Variants in LIMS2 observed in about 807,000 individuals in gnomAD.
LIMS2 encodes LIM zinc finger domain containing 2.
Under a neutral mutation model 45.3 loss-of-function variants are expected in LIMS2, and 30 were observed. The ratio of observed to expected loss-of-function variants is 0.66; its 90% CI spans 0.50 to 0.90. The LOEUF is 0.90. Ranked by LOEUF, LIMS2 falls within the 40% of genes least tolerant of loss-of-function variation. The pLI, the probability that LIMS2 is intolerant of heterozygous loss-of-function variation, is 0.00. For missense variants in LIMS2, 485 were observed against 468.7 expected, an observed-to-expected ratio of 1.03 and a Z score of -0.32; for synonymous variants, 173 against 188.0, an observed-to-expected ratio of 0.92 and a Z score of 0.65.
rs1025387074 is a variant in LIMS2 at position 127,642,653 on chromosome 2, C to T, written c.509+270G>A. On this transcript the variant is annotated intron_variant, in intron 5 of 9. Transcript: ENST00000355119. The surrounding 1 kb of genome is among the most constrained non-coding windows in gnomAD (Gnocchi z 5.3). ...CCTTCCACTGCTCCATCTCAACCCT[C>T]GTCTGCAGTCTAGGGGTCCAGCCCA... is the stretch of plus-strand genomic sequence containing the variant. 10 of 484,822 alleles carry T rather than the reference C, an allele frequency of 2.1e-5. No homozygotes were observed. The East Asian group carries it at 3.2e-4, about 16-fold the overall frequency. The allele number at this position is 484,822 out of a possible 1,614,324, so 30.0% of individuals were successfully genotyped here.
At position 127,639,298 on chromosome 2, in the gene LIMS2, C is replaced by T; in HGVS notation, c.1009G>A (p.Asp337Asn). ...TSRKAQPKAT[D>N]LNSA ...GAGGGCCTTCAGGCAGAGTTGAGGT[C>T]TGTGGCCTTGGGCTGGGCCTTGCGG... is the stretch of plus-strand genomic sequence containing the variant. The change falls in exon 10 of 10, where the codon GAC (aspartate) becomes AAC (asparagine). Residue 337 changes from aspartate (D) to asparagine (N), a missense_variant. Coordinates refer to ENST00000355119, the MANE Select transcript of LIMS2 (RefSeq NM_001161403.3). 1 of 1,613,788 alleles carries T rather than the reference C, an allele frequency of 6.2e-7. No homozygotes were observed. The highest frequency in any genetic ancestry group is 1.3e-5 in the African/African-American group (1 of 75,018).
intron 1 of LIMS2, among the ~76,000 whole-genome samples, chr2:127,662,993 A>G (rs1684776667): frequency 6.6e-6 from 1 of 152,216 alleles, no homozygotes; most frequent in East Asian, 1.9e-4. Flanking sequence ...CACTAACAAC[A>G]AAGAACTGAC....
intron 4 of LIMS2, among the ~76,000 whole-genome samples, chr2:127,649,744 C>T (rs1683508277): frequency 6.6e-6 from 1 of 152,246 alleles, no homozygotes; most frequent in African/African-American, 2.4e-5. Flanking sequence ...ACCAGACGGA[C>T]ATGACTTGTT....
In LIMS2 at chr2:127,642,071, A is replaced by G. The variant is rs775900121; in HGVS notation, c.638T>C (p.Leu213Pro). ...CACCTCCACGTGCCACTGCTTGCCC[A>G]GCGCGTTGACCACTCGGCCCTCGAT... is the stretch of plus-strand genomic sequence containing the variant. ...RPIEGRVVNALGKQWHVEHFV... is the reference protein window; with the variant it reads ...RPIEGRVVNAPGKQWHVEHFV... The change falls in exon 6 of 10, where the codon CTG becomes CCG. Residue 213 changes from leucine (L) to proline (P), a missense_variant. Physicochemically the swap from Leu to Pro is moderately conservative, Grantham distance 98. Transcript: ENST00000355119. The surrounding 1 kb of genome is among the most constrained non-coding windows in gnomAD (Gnocchi z 5.3). 5.0e-6 allele frequency: 8 copies of G among 1,611,250 alleles called. No homozygotes were observed. In the South Asian group the frequency reaches 8.8e-5, roughly 18 times the overall value.
intron 4 of LIMS2, 30 bp downstream of exon 4, chr2:127,654,394 G>C: frequency 6.2e-7 from 1 of 1,613,602 alleles, no homozygotes; most frequent in South Asian, 1.1e-5. Flanking sequence ...CTGTGGCCCA[G>C]TCCTCTCTGG....
rs377627237 is a variant in LIMS2, at chr2:127,654,386, G to A, written c.359+38C>T. Reference sequence around the variant, plus strand: ...GGTGGCAGGTGTGCCAGGAAGGGCTGTGGCCCAGTCCTCTCTGGCCCAACA... The same window carrying A: ...GGTGGCAGGTGTGCCAGGAAGGGCTATGGCCCAGTCCTCTCTGGCCCAACA... On this transcript the variant is annotated intron_variant, in intron 4 of 9. Transcript: ENST00000355119. 3.2e-5 allele frequency: 51 copies of A among 1,613,222 alleles called. No homozygotes were observed. The African/African-American group carries it at 4.9e-4, about 16-fold the overall frequency.
intron 1 of LIMS2, among the ~76,000 whole-genome samples, chr2:127,663,959 G>A (rs1684842951): frequency 6.6e-6 from 1 of 152,154 alleles, no homozygotes; most frequent in South Asian, 2.1e-4. Flanking sequence ...TGTTTGGGGT[G>A]GGTGAGTCCA....
rs1306982839 is a variant in LIMS2 at position 127,667,619 on chromosome 2, A to G, written c.11+7395T>C. Among the ~76,000 whole-genome samples the G allele has an allele frequency of 6.6e-6, 1 of 152,262 alleles. No individual in the cohort carries two copies. Among genetic ancestry groups the G allele is most frequent in the African/African-American group, 2.4e-5 (1 of 41,468 alleles). ...TATGACCATCTCAACAGATGCAGAA[A>G]ACACATTTGGCAAAATCCAACATCT... On this transcript the variant is annotated intron_variant, in intron 1 of 9. Transcript: ENST00000355119. The surrounding 1 kb of genome is among the most constrained non-coding windows in gnomAD (Gnocchi z 4.1).
rs1457950696 is a variant in LIMS2 at position 127,638,920 on chromosome 2, G to T, written c.*361C>A. On this transcript the variant is annotated 3_prime_UTR_variant, in exon 10 of 10. Coordinates refer to ENST00000355119, the MANE Select transcript of LIMS2 (RefSeq NM_001161403.3). ...CTGGGGCAGGGGCTCTCACAGGACA[G>T]CATGAGCCACTGAGCCGCCTGGGGA... The T allele has an allele frequency of 7.4e-6, 2 of 270,076 alleles. No homozygotes were observed. The highest frequency in any genetic ancestry group is 9.9e-5 in the Admixed American group (2 of 20,110). The allele number at this position is 270,076 out of a possible 1,614,324, so 16.7% of individuals were successfully genotyped here. A position where few individuals can be genotyped will look rare whatever the true frequency, so the allele number is the denominator to read the frequency against.
At chr2:127,651,253 T>C in intron 4 of LIMS2, 1 of 1,606,634 alleles carries the variant, frequency 6.2e-7, no homozygotes, top group Non-Finnish European at 8.5e-7. Flanking sequence ...CCACAGACCG[T>C]GCAGACCAAC....
Position 127,664,285 on chromosome 2 carries a change from G to A in LIMS2, c.12-6723C>T, listed in dbSNP as rs1175938955. 7 of 1,232,854 alleles carry A rather than the reference G, an allele frequency of 5.7e-6. No individual in the cohort carries two copies. The highest frequency in any genetic ancestry group is 4.0e-6 in the Non-Finnish European group (4 of 988,274). The allele number at this position is 1,232,854 out of a possible 1,614,324, so 76.4% of individuals were successfully genotyped here. A position where few individuals can be genotyped will look rare whatever the true frequency, so the allele number is the denominator to read the frequency against. On this transcript the variant is annotated intron_variant, in intron 1 of 9. Transcript: ENST00000355119. The surrounding 1 kb of genome is among the most constrained non-coding windows in gnomAD (Gnocchi z 5.5). ...TTTCCGGCCATTGTCCCCGCCACCC[G>A]CCCCGCCCCTGGCCACCTACCCCGT... is the stretch of plus-strand genomic sequence containing the variant.
chr2:127,654,451 T>A lies in LIMS2; in HGVS notation c.332A>T (p.Asp111Val). The change falls in exon 4 of 10, where the codon GAC becomes GTC. Residue 111 changes from aspartate to valine, a missense_variant. Physicochemically the swap from Asp to Val is radical, Grantham distance 152. Coordinates refer to ENST00000355119, the MANE Select transcript of LIMS2 (RefSeq NM_001161403.3). The part of the protein sequence containing the change: ...RCELCDVELA[D>V]LGFVKNAGRH... The stretch of plus-strand genomic sequence containing the variant: ...GCCGGCATTCTTCACAAAGCCCAGG[T>A]CAGCCAGCTCCACATCACACAGCTC... 1 of 1,614,100 alleles carries A rather than the reference T, an allele frequency of 6.2e-7. No homozygotes were observed. Among genetic ancestry groups the A allele is most frequent in the East Asian group, 2.2e-5 (1 of 44,884 alleles).
intron 1 of LIMS2, among the ~76,000 whole-genome samples, chr2:127,669,679 C>T (rs1685191391): frequency 6.6e-6 from 1 of 151,936 alleles, no homozygotes; most frequent in South Asian, 2.1e-4. Flanking sequence ...GATTGCACTA[C>T]TGCACTCCAG....
At chr2:127,661,172 C>T (rs972745202) in intron 1 of LIMS2, among the ~76,000 whole-genome samples, 1 of 152,256 alleles carries the variant, frequency 6.6e-6, no homozygotes, top group African/African-American at 2.4e-5. Flanking sequence ...GGCCTGGGCC[C>T]AGCCGCTCAG....
At chr2:127,643,497 C>G (rs542543973) in intron 4 of LIMS2, 14 of 457,204 alleles carry the variant, frequency 3.1e-5, no homozygotes, top group African/African-American at 1.2e-4. Flanking sequence ...CCACTCACCC[C>G]CTTCCTTCGG....
intron 4 of LIMS2, among the ~76,000 whole-genome samples, chr2:127,649,322 C>T (rs1468033026): frequency 6.6e-6 from 1 of 152,182 alleles, no homozygotes; most frequent in Non-Finnish European, 1.5e-5. Context: ...GCCCGTGCCT[C>T]CTCCCCTCCT....
rs114350691 is a variant in LIMS2 at position 127,673,524 on chromosome 2, C to T, written c.11+1490G>A. On this transcript the variant is annotated intron_variant, in intron 1 of 9. Transcript: ENST00000355119. ...CCGGCCGGGCTCACCTGACGGCCTC[C>T]GTCTCCAGGGAAAGGCCCAAGGGAC... 3.9e-3 allele frequency among the ~76,000 whole-genome samples: 593 copies of T among 152,330 alleles called. 4 individuals are homozygous for T. Among genetic ancestry groups the T allele is most frequent in the African/African-American group, 0.013 (536 of 41,566 alleles).
upstream of LIMS2, among the ~76,000 whole-genome samples, chr2:127,678,356 G>A (rs1019383952): frequency 1.3e-5 from 2 of 152,190 alleles, no homozygotes; most frequent in East Asian, 1.9e-4. The surrounding 1 kb of genome is among the most constrained non-coding windows in gnomAD (Gnocchi z 5.3). Flanking sequence ...AGTCTACGAC[G>A]ATATTAATGG....
chr2:127,673,575 G>A, intron 1 of LIMS2: 6 of 1,189,466 alleles, frequency 5.0e-6, no homozygotes, highest in Non-Finnish European at 7.3e-6. Flanking sequence ...CCCTTGCCAG[G>A]GAGCAGTGGC....
Sources: gnomAD v4.1 joint callset for allele counts (sites outside exome capture counted in the v4.1 genomes callset) on GRCh38, gnomAD v4.1.1 for gene constraint, Gnocchi (gnomAD v3.1) non-coding constraint, MANE v1.5 for transcripts, NCBI Gene and HGNC (gene_info 2026-07-23, HGNC 2026-07-21) for gene names.